The following NLRP9 variants were observed in gnomAD, a reference collection of about 807,000 sequenced individuals.
NLRP9 encodes NACHT, LRR and PYD domains-containing protein 9.
In NLRP9, 88 loss-of-function variants were observed where a neutral mutation model predicts 83.1. The observed-to-expected ratio is 1.06, with a 90% CI of 0.89 to 1.26. The LOEUF is 1.26. Among genes scored for constraint, NLRP9 ranks in the 50% most tolerant of loss-of-function variants. The probability of loss-of-function intolerance (pLI) is 0.00; values close to 1 mark genes in which losing one functional copy is unlikely to be tolerated. For synonymous variants in NLRP9, 521 were observed against 447.6 expected (o/e 1.16, Z -2.07); for missense variants, 1,308 against 1,179.3 (o/e 1.11, Z -1.60).
intron 3 of NLRP9, among the ~76,000 whole-genome samples, chr19:55,728,005 C>A (rs922935550): frequency 6.6e-6 from 1 of 152,104 alleles, no homozygotes; most frequent in African/African-American, 2.4e-5. Flanking sequence ...GAGTCCTCTC[C>A]CCGTGGGATC....
At chr19:55,721,113 G>A (rs1600133750) in intron 4 of NLRP9, among the ~76,000 whole-genome samples, 1 of 152,162 alleles carries the variant, frequency 6.6e-6, no homozygotes, top group East Asian at 1.9e-4. Context: ...TTCACTGGAA[G>A]TTTCATAAAA....
rs2122334041 is a variant in NLRP9 at position 55,733,227 on chromosome 19, G to C, written c.604C>G (p.Leu202Val). 1.2e-6 allele frequency: 2 copies of C among 1,613,704 alleles called. No homozygotes were observed. The highest frequency in any genetic ancestry group is 1.7e-6 in the Non-Finnish European group (2 of 1,179,684). The change falls in exon 2 of 9, where the codon CTC becomes GTC. Residue 202 changes from leucine (L) to valine (V), a missense_variant. Transcript: ENST00000332836. The part of the protein sequence containing the change: ...GIAETSLLEL[L>V]SRDWPESSEK... ...GAAGACTCCGGCCAGTCCCTAGAGA[G>C]GAGCTCCAGTAAGCTGGTCTCTGCG...
intron 1 of NLRP9, chr19:55,737,196 G>C (rs1299443558): frequency 1.3e-5 from 2 of 152,158 alleles, no homozygotes; most frequent in African/African-American, 4.8e-5. Flanking sequence ...TAACACATGG[G>C]AACACTGTTT....
At position 55,715,173 on chromosome 19, in the gene NLRP9, G is replaced by A. The variant is rs774951441; in HGVS notation, c.2383C>T (p.Leu795Phe). 4.3e-6 allele frequency: 7 copies of A among 1,613,426 alleles called. No individual in the cohort carries two copies. Among genetic ancestry groups the A allele is most frequent in the African/African-American group, 1.3e-5 (1 of 75,042 alleles). ...AGGGACAGGGACTTACTGCACAAGA[G>A]GACTTCGGAAATGGAGTCACAGGAG... ...SVSCDSISEV[L>F]LCSKSLSLLD... Residue 795 changes from leucine (L) to phenylalanine (F), a missense_variant, in exon 6 of 9, where the codon CTC (leucine) becomes TTC (phenylalanine). Coordinates refer to ENST00000332836, the MANE Select transcript of NLRP9 (RefSeq NM_176820.4).
chr19:55,724,100 G>A lies in NLRP9; in HGVS notation c.2039C>T (p.Ala680Val). 1 of 1,613,134 alleles carries A rather than the reference G, an allele frequency of 6.2e-7. No individual in the cohort carries two copies. Among genetic ancestry groups the A allele is most frequent in the Non-Finnish European group, 8.5e-7 (1 of 1,179,230 alleles). ...TTTCAGATGAGGGTTGTGAAGAACTGCCTTAAATAATTCTGAATCATGTCC... is the reference window on the plus strand; with the variant it reads ...TTTCAGATGAGGGTTGTGAAGAACTACCTTAAATAATTCTGAATCATGTCC... Reference protein sequence around the residue: ...YFGHDSELFKAVLHNPHLKLL... With the variant: ...YFGHDSELFKVVLHNPHLKLL... Residue 680 changes from alanine (A) to valine (V), a missense_variant, in exon 4 of 9, where the codon GCA becomes GTA. Physicochemically the swap from Ala to Val is moderately conservative, Grantham distance 64. Transcript: ENST00000332836.
rs143574530 is a variant in NLRP9 at position 55,714,528 on chromosome 19, ACTC to A, written c.2501+524_2501+526del. Among the ~76,000 whole-genome samples, 749 of 150,864 alleles carry A rather than the reference ACTC, an allele frequency of 5.0e-3. 3 individuals are homozygous for A. The highest frequency in any genetic ancestry group is 0.018 in the African/African-American group (729 of 41,090). On this transcript the variant is annotated intron_variant, in intron 6 of 8. Coordinates refer to ENST00000332836, the MANE Select transcript of NLRP9 (RefSeq NM_176820.4). Reference sequence around the variant, plus strand: ...CTGAGTCCCCTGCTGTGTCCTTACAACTCCTTCCCACTGAAGGTTCCCAGAACC... The same window carrying A: ...CTGAGTCCCCTGCTGTGTCCTTACAACTTCCCACTGAAGGTTCCCAGAACC...
rs760100132 is a variant in NLRP9, at chr19:55,724,157, A to G, written c.1995-13T>C. 1.2e-5 allele frequency: 14 copies of G among 1,189,982 alleles called. No individual in the cohort carries two copies. The South Asian group carries it at 2.0e-4, about 17-fold the overall frequency. 73.7% of individuals were successfully genotyped at this position (1,189,982 alleles called of 1,614,324 possible). A position where few individuals can be genotyped will look rare whatever the true frequency, so the allele number is the denominator to read the frequency against. On this transcript the variant is annotated splice_polypyrimidine_tract_variant and intron_variant, in intron 3 of 8. Coordinates refer to ENST00000332836, the MANE Select transcript of NLRP9 (RefSeq NM_176820.4). ...CACAGAAGTAAATCTGCAAAAGATT[A>G]AAAAAAAAATAGCATCATGCAATGA... is the stretch of plus-strand genomic sequence containing the variant.
At chr19:55,717,465 A>C (rs1228980367) in intron 4 of NLRP9, among the ~76,000 whole-genome samples, 4 of 152,304 alleles carry the variant, frequency 2.6e-5, no homozygotes, top group African/African-American at 9.6e-5. Flanking sequence ...CCTAATGGAG[A>C]CATGTGGAAA....
At position 55,715,206 on chromosome 19, in the gene NLRP9, T is replaced by G; in HGVS notation, c.2350A>C (p.Thr784Pro). 6.2e-7 allele frequency: 1 copy of G among 1,613,086 alleles called. No individual in the cohort carries two copies. The highest frequency in any genetic ancestry group is 8.5e-7 in the Non-Finnish European group (1 of 1,179,746). The change falls in exon 6 of 9, where the codon ACC becomes CCC. Residue 784 changes from threonine to proline, a missense_variant. Physicochemically the swap from Thr to Pro is conservative, Grantham distance 38 (BLOSUM62 -1). Transcript: ENST00000332836. Reference sequence around the variant, plus strand: ...GAAATGGAGTCACAGGAGACAGAGGTGAGACAGCAGTACATCAACCTGCAA... The same window carrying G: ...GAAATGGAGTCACAGGAGACAGAGGGGAGACAGCAGTACATCAACCTGCAA... Reference protein sequence around the residue: ...ERLMLMYCCLTSVSCDSISEV... With the variant: ...ERLMLMYCCLPSVSCDSISEV...
At position 55,732,770 on chromosome 19, in the gene NLRP9, C is replaced by T. The variant is rs781148285; in HGVS notation, c.1061G>A (p.Gly354Glu). Residue 354 changes from glycine (G) to glutamate (E), a missense_variant, in exon 2 of 9, where the codon GGA becomes GAA. By Grantham distance (98) the Gly-to-Glu change is moderately conservative. Transcript: ENST00000332836. ...CTCVKQRLER[G>E]EDLEINSQNT... The stretch of plus-strand genomic sequence containing the variant: ...TTGGGAGTTTATTTCAAGGTCTTCT[C>T]CCCTCTCTAGCCTCTGTTTCACACA... The T allele has an allele frequency of 1.2e-6, 2 of 1,614,160 alleles. No individual in the cohort carries two copies. Among genetic ancestry groups the T allele is most frequent in the South Asian group, 2.2e-5 (2 of 91,082 alleles).
rs34937854 is a variant in NLRP9, at chr19:55,734,526, C to CAT, written c.281-978_281-977dup. 3.6e-3 allele frequency among the ~76,000 whole-genome samples: 393 copies of CAT among 107,814 alleles called. 3 individuals are homozygous for CAT. Among genetic ancestry groups the CAT allele is most frequent in the East Asian group, 9.6e-3 (34 of 3,538 alleles). The allele number at this position is 107,814 out of a possible 152,430, so 70.7% of individuals were successfully genotyped here. A position where few individuals can be genotyped will look rare whatever the true frequency, so the allele number is the denominator to read the frequency against. ...AAGTACACATATATATACACACACA[C>CAT]ATATATATATATATATACATATATA... On this transcript the variant is annotated intron_variant, in intron 1 of 8. Coordinates refer to ENST00000332836, the MANE Select transcript of NLRP9 (RefSeq NM_176820.4).
intron 5 of NLRP9, among the ~76,000 whole-genome samples, 177 bp downstream of exon 5, chr19:55,716,551 G>A (rs1257513545): frequency 2.6e-5 from 4 of 152,032 alleles, no homozygotes; most frequent in African/African-American, 7.2e-5. Flanking sequence ...GAGCCACCAC[G>A]CCCAGCCAGC....
chr19:55,737,945 G>T, intron 1 of NLRP9, 150 bp downstream of exon 1: 1 of 762,632 alleles, frequency 1.3e-6, no homozygotes, highest in Non-Finnish European at 2.2e-6. Flanking sequence ...CATATGAACA[G>T]CCCTGGCCTG....
chr19:55,729,835 G>A lies in NLRP9; in HGVS notation c.1990C>T (p.Leu664Phe). The change falls in exon 3 of 9, where the codon CTC becomes TTC. Residue 664 changes from leucine to phenylalanine, a missense_variant. Physicochemically the swap from Leu to Phe is conservative, Grantham distance 22. Coordinates refer to ENST00000332836, the MANE Select transcript of NLRP9 (RefSeq NM_176820.4). ...LAQPVCKLRK[L>F]IFTSVYFGHD... Reference sequence around the variant, plus strand: ...ACAGGTTAACATAAAACTTACATGAGTTTTCGGAGTTTACAAACAGGCTGA... The same window carrying A: ...ACAGGTTAACATAAAACTTACATGAATTTTCGGAGTTTACAAACAGGCTGA... The A allele has an allele frequency of 6.2e-7, 1 of 1,611,302 alleles. No homozygotes were observed. Among genetic ancestry groups the A allele is most frequent in the Non-Finnish European group, 8.5e-7 (1 of 1,178,896 alleles).
chr19:55,712,675 C>G (rs1367931740), intron 6 of NLRP9, 85 bp from the exon 7 acceptor site: 10 of 1,004,188 alleles, frequency 1.0e-5, no homozygotes, highest in Non-Finnish European at 1.4e-5. Flanking sequence ...TCATATGACG[C>G]AAGAAATACC....
chr19:55,725,882 T>C (rs1988385629), intron 3 of NLRP9, among the ~76,000 whole-genome samples: 1 of 151,684 alleles, frequency 6.6e-6, no homozygotes, highest in South Asian at 2.1e-4. Flanking sequence ...AAAAATTAGC[T>C]GGGCGTGGTG....
At chr19:55,714,935 C>T (rs771639091) in intron 6 of NLRP9, 120 bp downstream of exon 6, 19 of 956,252 alleles carry the variant, frequency 2.0e-5, no homozygotes, top group South Asian at 1.7e-5. Flanking sequence ...ACCCAACATA[C>T]GAATTTTGGG....
rs764885359 is a variant in NLRP9, at chr19:55,733,348, A to G, written c.483T>C (p.Leu161=). The stretch of plus-strand genomic sequence containing the variant: ...CCCAGTCCAACATCACTTTTCTTAA[A>G]AGGGTTGTTTTTCCAATTCCATCAG... ...EGPDGIGKTT[L]LRKVMLDWAE... The change falls in exon 2 of 9, where the codon CTT becomes CTC. Residue 161 remains leucine, a synonymous_variant. Coordinates refer to ENST00000332836, the MANE Select transcript of NLRP9 (RefSeq NM_176820.4). 10 of 1,614,000 alleles carry G rather than the reference A, an allele frequency of 6.2e-6. No individual in the cohort carries two copies. The highest frequency in any genetic ancestry group is 8.5e-6 in the Non-Finnish European group (10 of 1,180,018).
At chr19:55,715,025 G>T in intron 6 of NLRP9, 30 bp downstream of exon 6, 1 of 1,577,640 alleles carries the variant, frequency 6.3e-7, no homozygotes, top group South Asian at 1.2e-5. Context: ...AAGAAACCCT[G>T]ACATTGAAGC....
Sources: gnomAD v4.1 joint callset for allele counts (sites outside exome capture counted in the v4.1 genomes callset) on GRCh38, gnomAD v4.1.1 for gene constraint, MANE v1.5 for transcripts, NCBI Gene and HGNC (gene_info 2026-07-23, HGNC 2026-07-21) for gene names.